CABIN1: variants seen among roughly 807,000 people sequenced by gnomAD.
CABIN1 encodes calcineurin-binding protein cabin-1.
CABIN1 carries 133 observed loss-of-function variants against 227.7 expected under a neutral mutation model. The ratio of observed to expected loss-of-function variants is 0.58; its 90% confidence interval spans 0.51 to 0.67. The LOEUF is 0.67. Ranked by LOEUF, CABIN1 falls within the 30% of genes least tolerant of loss-of-function variation. CABIN1 has a pLI of 0.00. For missense variants in CABIN1, 2,408 were observed against 2,852.5 expected, an observed-to-expected ratio of 0.84 and a Z score of 3.55; for synonymous variants, 1,086 against 1,155.1, an observed-to-expected ratio of 0.94 and a Z score of 1.21.
intron 1 of CABIN1, among the ~76,000 whole-genome samples, chr22:24,012,720 A>G (rs1437430610): frequency 6.6e-6 from 1 of 152,218 alleles, no homozygotes; most frequent in African/African-American, 2.4e-5. Flanking sequence ...GCTGGGAGTC[A>G]GAAATGAATA....
chr22:24,154,889 A>T (rs530664284), intron 29 of CABIN1, among the ~76,000 whole-genome samples: 1 of 152,272 alleles, frequency 6.6e-6, no homozygotes, highest in East Asian at 1.9e-4. Flanking sequence ...CAGAGAGGAG[A>T]TGTCACTAGG....
At chr22:24,124,236 G>A (rs1173632048) in intron 28 of CABIN1, among the ~76,000 whole-genome samples, 43 of 152,218 alleles carry the variant, frequency 2.8e-4, no homozygotes, top group Admixed American at 2.8e-3. Context: ...ATGCAGTGCT[G>A]GGGCAATGTC....
chr22:24,122,070 C>T (rs2043447317), intron 28 of CABIN1, among the ~76,000 whole-genome samples: 1 of 126,722 alleles, frequency 7.9e-6, no homozygotes, highest in Non-Finnish European at 1.8e-5. Flanking sequence ...CCACCCTCCA[C>T]TTCCCTGCTA....
At chr22:24,176,322 C>T (rs1394975358) in intron 35 of CABIN1, 47 bp downstream of exon 35, 17 of 1,560,790 alleles carry the variant, frequency 1.1e-5, no homozygotes, top group South Asian at 1.2e-5. Flanking sequence ...AGGAGGCTGC[C>T]TCACAGCTGG....
chr22:24,126,892 A>G (rs2043759910), intron 28 of CABIN1, among the ~76,000 whole-genome samples: 1 of 151,166 alleles, frequency 6.6e-6, no homozygotes, highest in Non-Finnish European at 1.5e-5. Context: ...CCAGCTACTC[A>G]GTAGGCTAAG....
At chr22:24,091,039 T>A (rs1288930201) in intron 23 of CABIN1, among the ~76,000 whole-genome samples, 1 of 152,190 alleles carries the variant, frequency 6.6e-6, no homozygotes, top group Non-Finnish European at 1.5e-5. Flanking sequence ...TGGAGGTGCT[T>A]GCTGCAAATG....
intron 1 of CABIN1, among the ~76,000 whole-genome samples, chr22:24,020,473 C>T (rs2146552454): frequency 6.6e-6 from 1 of 152,218 alleles, no homozygotes; most frequent in Middle Eastern, 3.4e-3. Flanking sequence ...AGGCATGTGC[C>T]ACTATACCCA....
At chr22:24,090,447 G>A (rs1424372928) in intron 23 of CABIN1, among the ~76,000 whole-genome samples, 1 of 151,358 alleles carries the variant, frequency 6.6e-6, no homozygotes, top group Non-Finnish European at 1.5e-5. Context: ...TTGGTCCCGT[G>A]TTTGACCCTG....
At chr22:24,045,393 C>T (rs754642828) in intron 6 of CABIN1, among the ~76,000 whole-genome samples, 58 of 152,104 alleles carry the variant, frequency 3.8e-4, no homozygotes, top group Non-Finnish European at 6.9e-4. Flanking sequence ...ATGGGAGGAT[C>T]GCTTGAGCCC....
At chr22:24,036,309 G>A (rs1017935054) in intron 3 of CABIN1, 128 bp downstream of exon 3, 19 of 742,550 alleles carry the variant, frequency 2.6e-5, no homozygotes, top group African/African-American at 1.6e-4. Context: ...AAGATGGCTA[G>A]CTCTCCATCT....
At chr22:24,019,748 C>G (rs2035585367) in intron 1 of CABIN1, among the ~76,000 whole-genome samples, 1 of 145,798 alleles carries the variant, frequency 6.9e-6, no homozygotes, top group Non-Finnish European at 1.5e-5. Flanking sequence ...ACCTCTGCTT[C>G]CTGGGTTCAA....
chr22:24,043,288 T>A (rs2037568908), intron 6 of CABIN1, among the ~76,000 whole-genome samples: 1 of 151,674 alleles, frequency 6.6e-6, no homozygotes, highest in Admixed American at 6.6e-5. Flanking sequence ...TAAAGTAGCA[T>A]GTTTTCTGAA....
intron 8 of CABIN1, among the ~76,000 whole-genome samples, chr22:24,053,926 G>A (rs1240689569): frequency 2.0e-5 from 3 of 152,148 alleles, no homozygotes; most frequent in Admixed American, 6.5e-5. Flanking sequence ...GGGAAGGCTG[G>A]GTGGTGGAGC....
At position 24,098,123 on chromosome 22, in the gene CABIN1, T is replaced by A; in HGVS notation, c.4048T>A (p.Tyr1350Asn). Residue 1350 changes from tyrosine to asparagine, a missense_variant, in exon 26 of 37, where the codon TAC becomes AAC. Tyr to Asn is a moderately radical substitution (Grantham distance 143). Transcript: ENST00000263119. ...TGGCCCAGGTCTGACATCCCCACCT[T>A]ACACAGCCACTCCGATTGACCACGA... ...SSGPGLTSPP[Y>N]TATPIDHDYV... 6.2e-7 allele frequency: 1 copy of A among 1,614,034 alleles called. No individual in the cohort carries two copies. Among genetic ancestry groups the A allele is most frequent in the Non-Finnish European group, 8.5e-7 (1 of 1,180,004 alleles).
At chr22:24,124,087 A>G (rs1049827742) in intron 28 of CABIN1, among the ~76,000 whole-genome samples, 1 of 152,134 alleles carries the variant, frequency 6.6e-6, no homozygotes, top group Non-Finnish European at 1.5e-5. Flanking sequence ...AGGAGGAGAG[A>G]ATGTGGGCTC....
chr22:24,087,720 AG>A lies in CABIN1; in HGVS notation c.3525+12del. The A allele has an allele frequency of 6.2e-7, 1 of 1,613,416 alleles. No homozygotes were observed. The highest frequency in any genetic ancestry group is 8.5e-7 in the Non-Finnish European group (1 of 1,180,006). On this transcript the variant is annotated splice_region_variant and intron_variant, in intron 23 of 36. Coordinates refer to ENST00000263119, the MANE Select transcript of CABIN1 (RefSeq NM_012295.4). ...CCCTGAGCTCGTGCAGCAGGTGAGG[AG>A]GGGGTGCTGCAGATGGGCTTGCCAT...
intron 24 of CABIN1, among the ~76,000 whole-genome samples, chr22:24,094,264 A>C (rs1001894109): frequency 6.6e-6 from 1 of 152,090 alleles, no homozygotes; most frequent in Admixed American, 6.5e-5. Flanking sequence ...TTTTTCCTCC[A>C]TGTTTTTTTC....
intron 29 of CABIN1, among the ~76,000 whole-genome samples, chr22:24,141,409 T>C (rs2044749452): frequency 6.6e-6 from 1 of 152,262 alleles, no homozygotes; most frequent in Non-Finnish European, 1.5e-5. Context: ...AGGTGGCTTT[T>C]GGTTTTCCAC....
chr22:24,109,413 C>T (rs935255504), intron 26 of CABIN1, among the ~76,000 whole-genome samples: 10 of 151,590 alleles, frequency 6.6e-5, no homozygotes, highest in East Asian at 3.9e-4. Context: ...CGGGCATCTC[C>T]GTATGTTGCC....
Sources: gnomAD v4.1 joint callset for allele counts (sites outside exome capture counted in the v4.1 genomes callset) on GRCh38, gnomAD v4.1.1 for gene constraint, MANE v1.5 for transcripts, NCBI Gene and HGNC (gene_info 2026-07-23, HGNC 2026-07-21) for gene names.